Variants in NOL4L observed in about 807,000 individuals in gnomAD.
NOL4L encodes the protein nucleolar protein 4 like.
In NOL4L, 7 loss-of-function variants were observed where a neutral mutation model predicts 64.5. The ratio of observed to expected loss-of-function variants is 0.11; its 90% CI spans 0.06 to 0.20. The LOEUF (loss-of-function observed/expected upper bound fraction) is 0.20. Ranked by LOEUF, NOL4L falls within the 10% of genes least tolerant of loss-of-function variation. The probability of loss-of-function intolerance (pLI) is 1.00; values close to 1 mark genes in which losing one functional copy is unlikely to be tolerated. For missense variants in NOL4L, 680 were observed against 967.1 expected (o/e 0.70, Z 3.94); for synonymous variants, 413 against 401.0 (o/e 1.03, Z -0.36).
chr20:32,455,682 C>T (rs2013427867), intron 6 of NOL4L, among the ~76,000 whole-genome samples: 1 of 152,260 alleles, frequency 6.6e-6, no homozygotes, highest in Non-Finnish European at 1.5e-5. Flanking sequence ...CCACTGCCCA[C>T]ATCCCTGGGC....
At chr20:32,523,753 C>G (rs1232308929) in intron 2 of NOL4L, among the ~76,000 whole-genome samples, 3 of 152,204 alleles carry the variant, frequency 2.0e-5, no homozygotes, top group Non-Finnish European at 4.4e-5. Context: ...GCCTTGCTCC[C>G]CGGGCCTCCT....
chr20:32,480,718 T>C (rs1389545394), intron 4 of NOL4L, among the ~76,000 whole-genome samples: 4 of 152,222 alleles, frequency 2.6e-5, no homozygotes, highest in Non-Finnish European at 5.9e-5. Flanking sequence ...GATGGCTTAT[T>C]AATGGAAGAC....
In NOL4L at chr20:32,444,452, T is replaced by G. The variant is rs1233663763; in HGVS notation, c.*3144A>C. 1 of 152,220 alleles carries G rather than the reference T, an allele frequency of 6.6e-6. No individual in the cohort carries two copies. The highest frequency in any genetic ancestry group is 1.9e-4 in the East Asian group (1 of 5,204). The allele number at this position is 152,220 out of a possible 1,614,324, so 9.4% of individuals were successfully genotyped here. ...CCACCCTTAGAGTTGTAAGTGGCCC[T>G]TGGGAATAGGGATGGATGGGTTCCA... On this transcript the variant is annotated 3_prime_UTR_variant, in exon 11 of 11. Coordinates refer to ENST00000621426, the MANE Select transcript of NOL4L (RefSeq NM_001256798.2).
intron 1 of NOL4L, among the ~76,000 whole-genome samples, chr20:32,575,546 C>A (rs1261360770): frequency 6.6e-6 from 1 of 152,168 alleles, no homozygotes; most frequent in Non-Finnish European, 1.5e-5. Flanking sequence ...TGCTCAGGGC[C>A]TCTGTGTAGA....
chr20:32,583,896 G>A (rs1980688059), intron 1 of NOL4L, among the ~76,000 whole-genome samples: 1 of 147,668 alleles, frequency 6.8e-6, no homozygotes, highest in South Asian at 2.1e-4. Context: ...GTCCCATGAA[G>A]GGGGAACGAG....
intron 4 of NOL4L, among the ~76,000 whole-genome samples, chr20:32,488,747 T>TTTCCTTCCTTCCTTCC (rs1206813375): frequency 6.5e-5 from 7 of 106,904 alleles, no homozygotes; most frequent in East Asian, 2.8e-4. Context: ...CTTTCTTTCT[T>TTTCCTTCCTTCCTTCC]TTCCTTCCTT....
At position 32,485,085 on chromosome 20, in the gene NOL4L, A is replaced by AAAAAAAAAAAAAAAC. The variant is rs1568643237; in HGVS notation, c.700-10344_700-10343insGTTTTTTTTTTTTTT. ...AAAAAAAAAAAAAAAAAAAAAAAAA[A>AAAAAAAAAAAAAAAC]AACAACTAAAAAAAAACCCTGATAA... is the stretch of plus-strand genomic sequence containing the variant. On this transcript the variant is annotated intron_variant, in intron 4 of 10. Coordinates refer to ENST00000621426, the MANE Select transcript of NOL4L (RefSeq NM_001256798.2). Among the ~76,000 whole-genome samples, 5 of 144,408 alleles carry AAAAAAAAAAAAAAAC rather than the reference A, an allele frequency of 3.5e-5. No homozygotes were observed. In the East Asian group the frequency reaches 6.3e-4, roughly 18 times the overall value. 94.7% of individuals were successfully genotyped at this position (144,408 alleles called of 152,430 possible).
chr20:32,553,041 T>C (rs1978406867), intron 1 of NOL4L, among the ~76,000 whole-genome samples: 1 of 152,160 alleles, frequency 6.6e-6, no homozygotes, highest in African/African-American at 2.4e-5. Flanking sequence ...TACTTTACAG[T>C]GTGCCAAGCC....
intron 5 of NOL4L, among the ~76,000 whole-genome samples, chr20:32,472,216 A>C (rs943610951): frequency 6.6e-6 from 1 of 152,230 alleles, no homozygotes; most frequent in African/African-American, 2.4e-5. Flanking sequence ...TCGTTTGTTC[A>C]TTCGGGGATA....
chr20:32,446,840 T>C lies in NOL4L; in HGVS notation c.*756A>G. The C allele has an allele frequency of 9.3e-6, 2 of 215,072 alleles. No homozygotes were observed. The highest frequency in any genetic ancestry group is 5.3e-5 in the Admixed American group (1 of 18,836). The allele number at this position is 215,072 out of a possible 1,614,324, so 13.3% of individuals were successfully genotyped here. A position where few individuals can be genotyped will look rare whatever the true frequency, so the allele number is the denominator to read the frequency against. On this transcript the variant is annotated 3_prime_UTR_variant, in exon 11 of 11. Transcript: ENST00000621426. ...ACCATGGACTGGGGCTTCTGTAGAA[T>C]GGGGTCGGGGTGCCTCTTTTGTTTT...
At chr20:32,468,005 A>G (rs1039767000) in intron 5 of NOL4L, among the ~76,000 whole-genome samples, 2 of 152,144 alleles carry the variant, frequency 1.3e-5, no homozygotes, top group African/African-American at 4.8e-5. Flanking sequence ...GCCCCACCCA[A>G]GGGCAGCAGG....
At chr20:32,510,966 C>T (rs1040146783) in intron 4 of NOL4L, among the ~76,000 whole-genome samples, 5 of 152,212 alleles carry the variant, frequency 3.3e-5, no homozygotes, top group East Asian at 3.9e-4. Context: ...CACAGGCAGG[C>T]GGCTACTCTC....
In NOL4L at chr20:32,474,750, G is replaced by C. The variant is rs1024765385; in HGVS notation, c.700-8C>G. On this transcript the variant is annotated splice_region_variant and splice_polypyrimidine_tract_variant and intron_variant, in intron 4 of 10. Transcript: ENST00000621426. ...GCTCACAGAAGTCTCATCCTGAGCA[G>C]GGACAAAGAAGGTGGGCATTCAGCA... 4.4e-6 allele frequency: 7 copies of C among 1,601,916 alleles called. No individual in the cohort carries two copies. Among genetic ancestry groups the C allele is most frequent in the African/African-American group, 2.7e-5 (2 of 74,690 alleles).
In NOL4L at chr20:32,453,940, TG is replaced by T. The variant is rs2013202286; in HGVS notation, c.1120-180del. 1 of 619,758 alleles carries T rather than the reference TG, an allele frequency of 1.6e-6. No individual in the cohort carries two copies. Among genetic ancestry groups the T allele is most frequent in the Non-Finnish European group, 2.8e-6 (1 of 353,768 alleles). 38.4% of individuals were successfully genotyped at this position (619,758 alleles called of 1,614,324 possible). Reference sequence around the variant, plus strand: ...TCTTCTGCTCCCTTCATCTGTGCAATGGGGACAGCAATGCTACCACCTCCCT... The same window carrying T: ...TCTTCTGCTCCCTTCATCTGTGCAATGGGACAGCAATGCTACCACCTCCCT... On this transcript the variant is annotated intron_variant, in intron 6 of 10. Transcript: ENST00000621426. This position sits in a 1 kb window ranked among gnomAD's most constrained non-coding sequence, Gnocchi z 5.6.
At position 32,447,482 on chromosome 20, in the gene NOL4L, T is replaced by C. The variant is rs2012398584; in HGVS notation, c.*114A>G. ...CTTGGAGTGTGGCTAGAAACAGCTCTTTTGGATCCCACCTCTTTCAAAAAC... is the reference window on the plus strand; with the variant it reads ...CTTGGAGTGTGGCTAGAAACAGCTCCTTTGGATCCCACCTCTTTCAAAAAC... On this transcript the variant is annotated 3_prime_UTR_variant, in exon 11 of 11. Coordinates refer to ENST00000621426, the MANE Select transcript of NOL4L (RefSeq NM_001256798.2). 1 of 1,403,536 alleles carries C rather than the reference T, an allele frequency of 7.1e-7. No homozygotes were observed. The highest frequency in any genetic ancestry group is 1.5e-5 in the African/African-American group (1 of 68,842). The allele number at this position is 1,403,536 out of a possible 1,614,324, so 86.9% of individuals were successfully genotyped here.
At chr20:32,574,542 C>T (rs775433330) in intron 1 of NOL4L, among the ~76,000 whole-genome samples, 2 of 152,142 alleles carry the variant, frequency 1.3e-5, no homozygotes, top group African/African-American at 2.4e-5. Flanking sequence ...CAGACAAGGC[C>T]GGAGGCCCGA....
At chr20:32,554,710 T>C (rs1245577668) in intron 1 of NOL4L, among the ~76,000 whole-genome samples, 2 of 152,126 alleles carry the variant, frequency 1.3e-5, no homozygotes, top group Non-Finnish European at 2.9e-5. Context: ...CAATACTGTT[T>C]GTCAAGAGTC....
At chr20:32,522,276 T>C (rs947605901) in intron 2 of NOL4L, among the ~76,000 whole-genome samples, 5 of 152,238 alleles carry the variant, frequency 3.3e-5, no homozygotes, top group African/African-American at 9.6e-5. Context: ...CTCAGCTGAT[T>C]TGATGCTCTG....
chr20:32,452,677 G>T (rs1390232513), intron 9 of NOL4L, among the ~76,000 whole-genome samples: 1 of 152,184 alleles, frequency 6.6e-6, no homozygotes, highest in Non-Finnish European at 1.5e-5. Flanking sequence ...TCCAGATGAA[G>T]TCCAGGCTTC....
Sources: allele counts gnomAD v4.1 joint callset (sites outside exome capture counted in the v4.1 genomes callset), GRCh38; gene constraint gnomAD v4.1.1; non-coding constraint Gnocchi (gnomAD v3.1); transcripts MANE v1.5; gene names NCBI Gene and HGNC (gene_info 2026-07-23, HGNC 2026-07-21).